SYN3: variants seen among roughly 807,000 people sequenced by gnomAD.
SYN3 encodes synapsin III, also known as synapsin-3.
In SYN3, 35 loss-of-function variants were observed where a neutral mutation model predicts 65.8. That is an observed-to-expected ratio of 0.53 (90% CI 0.41 to 0.70). SYN3 has a LOEUF of 0.70. SYN3 is among the 30% of genes least tolerant of loss of function. The pLI, the probability that SYN3 is intolerant of heterozygous loss-of-function variation, is 0.00. For missense variants in SYN3, 680 were observed against 749.0 expected (o/e 0.91, Z 1.08); for synonymous variants, 270 against 292.9 (o/e 0.92, Z 0.80).
At chr22:32,539,891 G>A (rs776554449) in intron 8 of SYN3, among the ~76,000 whole-genome samples, 1 of 152,188 alleles carries the variant, frequency 6.6e-6, no homozygotes, top group Non-Finnish European at 1.5e-5. Context: ...AGGGGCCTCA[G>A]GAACGCACTG....
intron 6 of SYN3, among the ~76,000 whole-genome samples, chr22:32,648,461 A>C (rs1161404686): frequency 4.6e-5 from 7 of 152,238 alleles, no homozygotes; most frequent in African/African-American, 1.7e-4. Flanking sequence ...CAGTACATAA[A>C]TATGGTAAAA....
chr22:32,587,802 G>A (rs557544551), intron 7 of SYN3, among the ~76,000 whole-genome samples: 1 of 152,122 alleles, frequency 6.6e-6, no homozygotes, highest in Admixed American at 6.5e-5. Context: ...AACAGACAGG[G>A]GTGTCTGCAG....
At chr22:32,702,114 C>T (rs2060817420) in intron 6 of SYN3, among the ~76,000 whole-genome samples, 1 of 152,142 alleles carries the variant, frequency 6.6e-6, no homozygotes, top group Non-Finnish European at 1.5e-5. Flanking sequence ...TCTTCTGAAG[C>T]GTAGAGACTT....
intron 3 of SYN3, among the ~76,000 whole-genome samples, chr22:32,963,302 G>C (rs1024120147): frequency 6.8e-6 from 1 of 147,112 alleles, no homozygotes; most frequent in Non-Finnish European, 1.5e-5. Flanking sequence ...GACCAGGCTG[G>C]TCTCAAACTC....
chr22:32,735,554 C>T (rs2147361763), intron 6 of SYN3, among the ~76,000 whole-genome samples: 1 of 152,144 alleles, frequency 6.6e-6, no homozygotes, highest in South Asian at 2.1e-4. Context: ...TTTTTTCCCC[C>T]AGCTTCCCTG....
chr22:32,720,646 C>A (rs2061104167), intron 6 of SYN3, among the ~76,000 whole-genome samples: 1 of 152,242 alleles, frequency 6.6e-6, no homozygotes, highest in African/African-American at 2.4e-5. Flanking sequence ...ACTGTGCTAA[C>A]TGGCTGGAGG....
intron 8 of SYN3, among the ~76,000 whole-genome samples, chr22:32,540,300 G>A (rs1219906382): frequency 1.3e-5 from 2 of 152,202 alleles, no homozygotes; most frequent in African/African-American, 4.8e-5. Context: ...GAGACAGGTG[G>A]CAGCTGGATT....
At chr22:32,695,673 C>T (rs1054749854) in intron 6 of SYN3, among the ~76,000 whole-genome samples, 3 of 152,178 alleles carry the variant, frequency 2.0e-5, no homozygotes, top group African/African-American at 7.2e-5. Context: ...CTTTCTCTTC[C>T]ACCTCACCTC....
chr22:32,692,155 C>CAAAAAAAAAAAAAAAAAAAAAAAGAA (rs1188224009), intron 6 of SYN3, among the ~76,000 whole-genome samples: 2 of 34,488 alleles, frequency 5.8e-5, no homozygotes, highest in Non-Finnish European at 4.3e-5. Flanking sequence ...GACAAAAAGA[C>CAAAAAAAAAAAAAAAAAAAAAAAGAA]AAAAAAAAAA....
intron 4 of SYN3, among the ~76,000 whole-genome samples, chr22:32,891,087 T>C (rs1238533257): frequency 3.3e-5 from 5 of 152,126 alleles, no homozygotes; most frequent in African/African-American, 9.7e-5. Context: ...CTGCATGGGA[T>C]TGTGATTTCT....
At chr22:32,673,761 G>C (rs1322453503) in intron 6 of SYN3, among the ~76,000 whole-genome samples, 2 of 152,222 alleles carry the variant, frequency 1.3e-5, no homozygotes, top group Non-Finnish European at 2.9e-5. Context: ...GAAAGATGGT[G>C]AGTTCCAAGA....
chr22:32,762,924 T>C (rs1458291883), intron 6 of SYN3, among the ~76,000 whole-genome samples: 1 of 151,302 alleles, frequency 6.6e-6, no homozygotes, highest in African/African-American at 2.5e-5. Context: ...GATACTTTCA[T>C]TACTCTAGAC....
intron 6 of SYN3, among the ~76,000 whole-genome samples, chr22:32,625,274 G>T (rs563173760): frequency 4.5e-4 from 68 of 152,326 alleles, no homozygotes; most frequent in African/African-American, 1.6e-3. Flanking sequence ...CCCACACTTA[G>T]AAAGTGAGGG....
chr22:32,528,735 C>T, intron 11 of SYN3, 139 bp downstream of exon 11: 2 of 1,250,272 alleles, frequency 1.6e-6, no homozygotes, highest in Middle Eastern at 2.2e-4. Context: ...AATGTCTGGC[C>T]TTCGTCCACA....
At chr22:32,514,332 CAGGGCT>C (rs2146046285) in intron 13 of SYN3, 1 of 152,724 alleles carries the variant, frequency 6.5e-6, no homozygotes, top group Admixed American at 6.5e-5. Flanking sequence ...CTTACCTTCT[CAGGGCT>C]TCCTTTGCCT....
intron 7 of SYN3, among the ~76,000 whole-genome samples, chr22:32,585,344 C>A (rs949203726): frequency 1.3e-5 from 2 of 152,136 alleles, no homozygotes; most frequent in Admixed American, 6.6e-5. Context: ...TTTTCCCCAG[C>A]GCCAGTCTAA....
chr22:32,689,903 G>T (rs2060639964), intron 6 of SYN3, among the ~76,000 whole-genome samples: 1 of 152,112 alleles, frequency 6.6e-6, no homozygotes, highest in East Asian at 1.9e-4. Flanking sequence ...GAGGCCAGGT[G>T]TGGTGGCTCA....
chr22:32,734,619 A>T (rs2061314607), intron 6 of SYN3, among the ~76,000 whole-genome samples: 1 of 152,176 alleles, frequency 6.6e-6, no homozygotes, highest in South Asian at 2.1e-4. Context: ...ATCTGCAGGG[A>T]CAGAGAAGGA....
intron 6 of SYN3, among the ~76,000 whole-genome samples, chr22:32,654,845 T>C (rs915753713): frequency 2.0e-5 from 3 of 152,258 alleles, no homozygotes; most frequent in Admixed American, 6.5e-5. Context: ...TAGGTGCTTG[T>C]CCCTTTCTCT....
Sources: gnomAD v4.1 joint callset for allele counts (sites outside exome capture counted in the v4.1 genomes callset) on GRCh38, gnomAD v4.1.1 for gene constraint, MANE v1.5 for transcripts, NCBI Gene and HGNC (gene_info 2026-07-23, HGNC 2026-07-21) for gene names.